SEC63: variants seen among roughly 807,000 people sequenced by gnomAD.
The protein encoded by SEC63 is SEC63 protein translocation regulator, also known as translocation protein SEC63 homolog.
In SEC63, 56 loss-of-function variants were observed where a neutral mutation model predicts 116.2. The observed-to-expected ratio is 0.48, with a 90% CI of 0.39 to 0.60. SEC63 has a LOEUF of 0.60. Among genes scored for constraint, SEC63 ranks in the 20% least tolerant of loss-of-function variants. SEC63 has a pLI of 0.00. For missense variants in SEC63, 668 were observed against 900.0 expected (o/e 0.74, Z 3.30); for synonymous variants, 273 against 294.6 (o/e 0.93, Z 0.75).
intron 12 of SEC63, 28 bp from the exon 13 acceptor site, chr6:107,901,545 T>C (rs1787004661): frequency 1.4e-6 from 2 of 1,433,278 alleles, no homozygotes; most frequent in Non-Finnish European, 1.9e-6. Flanking sequence ...AGAAAATACA[T>C]AATTCCCTAA....
At chr6:107,876,418 AATAGAG>A in intron 19 of SEC63, 140 bp downstream of exon 19, 1 of 622,402 alleles carries the variant, frequency 1.6e-6, no homozygotes, top group Non-Finnish European at 2.9e-6. Flanking sequence ...CTCACCCCAA[AATAGAG>A]AACAGTTACA....
At chr6:107,950,832 T>C (rs1347083508) in intron 1 of SEC63, among the ~76,000 whole-genome samples, 2 of 152,222 alleles carry the variant, frequency 1.3e-5, no homozygotes, top group Non-Finnish European at 2.9e-5. Context: ...ACATTTTATC[T>C]CAATTCAAAA....
chr6:107,931,844 CA>C (rs36102746), intron 1 of SEC63: 131,539 of 152,048 alleles, frequency 0.87, 57,040 homozygotes, highest in Middle Eastern at 0.92. Context: ...ACCCCAAAGC[CA>C]AAGTCAAAGC....
rs750254807 is a variant in SEC63, at chr6:107,871,677, A to T, written c.*27T>A. 181 of 1,610,906 alleles carry T rather than the reference A, an allele frequency of 1.1e-4. 2 individuals are homozygous for T. The South Asian group carries it at 2.0e-3, about 17-fold the overall frequency. On this transcript the variant is annotated 3_prime_UTR_variant, in exon 21 of 21. Coordinates refer to ENST00000369002, the MANE Select transcript of SEC63 (RefSeq NM_007214.5). ...CAGCAAAAAATTGCAAATATGTGCA[A>T]ACACTGTGGTCCATTCAGAGTACTG...
At chr6:107,915,472 AT>A (rs1344090650) in intron 4 of SEC63, among the ~76,000 whole-genome samples, 1 of 152,166 alleles carries the variant, frequency 6.6e-6, no homozygotes, top group African/African-American at 2.4e-5. Context: ...ATATGCTTTT[AT>A]AAAAATTAAC....
At chr6:107,938,829 A>G (rs1770311805) in intron 1 of SEC63, among the ~76,000 whole-genome samples, 1 of 152,220 alleles carries the variant, frequency 6.6e-6, no homozygotes, top group African/African-American at 2.4e-5. Context: ...TGCTGGGATT[A>G]CAGGCATGAG....
intron 1 of SEC63, among the ~76,000 whole-genome samples, chr6:107,956,403 T>C (rs540635593): frequency 6.6e-6 from 1 of 152,290 alleles, no homozygotes; most frequent in South Asian, 2.1e-4. Flanking sequence ...AGAAAAGCCA[T>C]TACAGCATTA....
At chr6:107,888,386 C>T (rs955913314) in intron 16 of SEC63, among the ~76,000 whole-genome samples, 1 of 151,990 alleles carries the variant, frequency 6.6e-6, no homozygotes, top group African/African-American at 2.4e-5. Context: ...TGATTTGGCT[C>T]TCTGTTTGTA....
chr6:107,924,342 G>C (rs1192147550), intron 3 of SEC63, among the ~76,000 whole-genome samples: 5 of 150,890 alleles, frequency 3.3e-5, no homozygotes, highest in South Asian at 2.1e-4. Flanking sequence ...ACTTTGGGAG[G>C]CCGAGGTGGG....
intron 4 of SEC63, among the ~76,000 whole-genome samples, chr6:107,920,663 AAGAC>A (rs911181002): frequency 6.6e-6 from 1 of 152,160 alleles, no homozygotes; most frequent in African/African-American, 2.4e-5. Flanking sequence ...GAGTCCTCAA[AAGAC>A]AGACAATCTC....
rs556286490 is a variant in SEC63 at position 107,908,542 on chromosome 6, T to G, written c.733+385A>C. Among the ~76,000 whole-genome samples the G allele has an allele frequency of 5.9e-5, 9 of 152,228 alleles. No individual in the cohort carries two copies. In the South Asian group the frequency reaches 1.9e-3, roughly 32 times the overall value. On this transcript the variant is annotated intron_variant, in intron 8 of 20. Transcript: ENST00000369002. ...AGAGTGTTACTTTTCGGTGCCTCAG[T>G]TTCCTCATCTATAAGATGTACTGTA... is the stretch of plus-strand genomic sequence containing the variant.
intron 16 of SEC63, among the ~76,000 whole-genome samples, chr6:107,885,719 G>A (rs188156212): frequency 6.6e-6 from 1 of 152,246 alleles, no homozygotes; most frequent in East Asian, 1.9e-4. Flanking sequence ...AAAATAAAGA[G>A]TTGGAGCACT....
intron 18 of SEC63, among the ~76,000 whole-genome samples, chr6:107,880,080 G>A (rs1424953853): frequency 6.6e-6 from 1 of 152,168 alleles, no homozygotes; most frequent in Non-Finnish European, 1.5e-5. Flanking sequence ...GGCTACCTCT[G>A]CAATGGGCAC....
intron 8 of SEC63, 108 bp from the exon 9 acceptor site, chr6:107,906,885 C>A: frequency 1.2e-6 from 1 of 819,104 alleles, no homozygotes; most frequent in Non-Finnish European, 2.1e-6. Flanking sequence ...TAAACATGCA[C>A]AATGCTAAAA....
At chr6:107,899,259 G>C (rs1786939916) in intron 13 of SEC63, among the ~76,000 whole-genome samples, 1 of 152,054 alleles carries the variant, frequency 6.6e-6, no homozygotes, top group Admixed American at 6.6e-5. Flanking sequence ...ACCAACTATA[G>C]CACTATTATT....
At chr6:107,875,986 C>T (rs1313554791) in intron 19 of SEC63, among the ~76,000 whole-genome samples, 2 of 152,058 alleles carry the variant, frequency 1.3e-5, no homozygotes, top group African/African-American at 4.8e-5. Context: ...AAATCAACAT[C>T]ATAGGGCTAT....
intron 17 of SEC63, 137 bp from the exon 18 acceptor site, chr6:107,881,387 T>C: frequency 3.1e-6 from 2 of 651,316 alleles, no homozygotes; most frequent in Non-Finnish European, 5.5e-6. Context: ...TCTGATCATC[T>C]CCCTGCTCAT....
intron 14 of SEC63, among the ~76,000 whole-genome samples, chr6:107,895,147 A>C (rs1292151524): frequency 5.9e-5 from 9 of 152,146 alleles, no homozygotes; most frequent in African/African-American, 2.2e-4. Flanking sequence ...TCTTTTCTTT[A>C]CTCCAGGGCA....
intron 19 of SEC63, among the ~76,000 whole-genome samples, chr6:107,874,370 G>C (rs556487413): frequency 6.6e-6 from 1 of 152,022 alleles, no homozygotes; most frequent in Non-Finnish European, 1.5e-5. Context: ...CAAGGCGGGC[G>C]GATCACAAGG....
Sources: gnomAD v4.1 joint callset for allele counts (sites outside exome capture counted in the v4.1 genomes callset) on GRCh38, gnomAD v4.1.1 for gene constraint, MANE v1.5 for transcripts, NCBI Gene and HGNC (gene_info 2026-07-23, HGNC 2026-07-21) for gene names.